PLCB4: variants seen among roughly 807,000 people sequenced by gnomAD.
PLCB4 encodes the protein 1-phosphatidylinositol 4,5-bisphosphate phosphodiesterase beta-4.
In PLCB4, 77 loss-of-function variants were observed where a neutral mutation model predicts 178.8. That is an observed-to-expected ratio of 0.43 (90% CI 0.36 to 0.52). The LOEUF (loss-of-function observed/expected upper bound fraction) is 0.52. Among genes scored for constraint, PLCB4 ranks in the 20% least tolerant of loss-of-function variants. The probability of loss-of-function intolerance (pLI) is 0.00; values close to 1 mark genes in which losing one functional copy is unlikely to be tolerated. For synonymous variants in PLCB4, 496 were observed against 490.8 expected, an observed-to-expected ratio of 1.01 and a Z score of -0.14; for missense variants, 1,024 against 1,453.4, an observed-to-expected ratio of 0.70 and a Z score of 4.80.
chr20:9,226,243 A>T (rs1464419639), intron 3 of PLCB4, among the ~76,000 whole-genome samples: 1 of 152,202 alleles, frequency 6.6e-6, no homozygotes, highest in African/African-American at 2.4e-5. Flanking sequence ...AATAAGCTGT[A>T]AGAAACTGTT....
chr20:9,297,216 T>A lies in PLCB4; in HGVS notation c.-15-10584T>A, dbSNP rs536461442. The stretch of plus-strand genomic sequence containing the variant: ...AAAGGTTGATATATCTTGCATGCTA[T>A]CAAAAAAATTTCTTTCTAGCGGTCA... On this transcript the variant is annotated intron_variant, in intron 3 of 39. Transcript: ENST00000378473. 7.9e-5 allele frequency among the ~76,000 whole-genome samples: 12 copies of A among 152,082 alleles called. 1 individual carries two copies. The East Asian group carries it at 2.3e-3, about 29-fold the overall frequency.
At chr20:9,468,486 A>G (rs981705382) in intron 35 of PLCB4, 85 bp from the exon 36 acceptor site, 5 of 817,542 alleles carry the variant, frequency 6.1e-6, no homozygotes, top group Non-Finnish European at 1.1e-5. Flanking sequence ...GAACTTTCTC[A>G]TTTTCCCCAG....
At chr20:9,274,551 T>A (rs1353624393) in intron 3 of PLCB4, among the ~76,000 whole-genome samples, 1 of 152,110 alleles carries the variant, frequency 6.6e-6, no homozygotes, top group Admixed American at 6.6e-5. Context: ...AACAGCAAAG[T>A]TATTTCCATC....
At chr20:9,316,808 C>T (rs1483000754) in intron 4 of PLCB4, among the ~76,000 whole-genome samples, 1 of 152,148 alleles carries the variant, frequency 6.6e-6, no homozygotes, top group Non-Finnish European at 1.5e-5. Context: ...CAAAGAAAAA[C>T]CCAAAACAAC....
chr20:9,202,235 C>G (rs2093556032), intron 2 of PLCB4, among the ~76,000 whole-genome samples: 1 of 152,096 alleles, frequency 6.6e-6, no homozygotes, highest in Admixed American at 6.5e-5. Context: ...GAGAGACTGA[C>G]TGTCAAAGGG....
At chr20:9,149,302 C>T (rs1273985940) in intron 2 of PLCB4, among the ~76,000 whole-genome samples, 1 of 152,158 alleles carries the variant, frequency 6.6e-6, no homozygotes, top group Admixed American at 6.6e-5. Flanking sequence ...ACGTCACATC[C>T]TTCCATTATC....
intron 3 of PLCB4, among the ~76,000 whole-genome samples, chr20:9,286,382 A>G (rs2094536798): frequency 6.6e-6 from 1 of 152,062 alleles, no homozygotes; most frequent in Non-Finnish European, 1.5e-5. Context: ...TTATGGGTAT[A>G]GTGGAAGAGA....
chr20:9,435,825 G>A (rs916815869), intron 29 of PLCB4, among the ~76,000 whole-genome samples, 177 bp downstream of exon 29: 2 of 152,218 alleles, frequency 1.3e-5, no homozygotes, highest in East Asian at 3.8e-4. Flanking sequence ...TTAATAAAAT[G>A]TGACTGCCAT....
intron 3 of PLCB4, among the ~76,000 whole-genome samples, chr20:9,234,698 GA>G (rs1231076923): frequency 6.6e-6 from 1 of 152,164 alleles, no homozygotes; most frequent in Non-Finnish European, 1.5e-5. Flanking sequence ...GAGGAAAAAG[GA>G]AGGTAAGGAA....
In PLCB4 at chr20:9,421,436, A is replaced by G. The variant is rs769222091; in HGVS notation, c.2294A>G (p.Asn765Ser). The G allele has an allele frequency of 4.3e-6, 7 of 1,613,660 alleles. No individual in the cohort carries two copies. The highest frequency in any genetic ancestry group is 2.7e-5 in the African/African-American group (2 of 75,034). ...VMNNGLNPVY[N>S]EESFVFRKVI... ...AATAATGGACTCAATCCAGTTTACA[A>G]TGAAGAGTCATTTGTATTTCGGAAG... The change falls in exon 27 of 40, where the codon AAT becomes AGT. Residue 765 changes from asparagine to serine, a missense_variant. Physicochemically the swap from Asn to Ser is conservative, Grantham distance 46. This residue lies in a region of PLCB4 where 227 missense variants were observed against 374.3 expected (regional missense o/e 0.61). Transcript: ENST00000378473.
intron 28 of PLCB4, among the ~76,000 whole-genome samples, chr20:9,429,595 C>G (rs2041255744): frequency 1.3e-5 from 2 of 152,170 alleles, no homozygotes; most frequent in Admixed American, 1.3e-4. Flanking sequence ...TACAGTTACA[C>G]AAGTAGGTAA....
chr20:9,075,360 G>T (rs1392922317), intron 1 of PLCB4, among the ~76,000 whole-genome samples: 1 of 152,174 alleles, frequency 6.6e-6, no homozygotes, highest in Non-Finnish European at 1.5e-5. Flanking sequence ...TGTGAATATG[G>T]AATTGGAATA....
At chr20:9,207,041 G>A (rs185592977) in intron 2 of PLCB4, among the ~76,000 whole-genome samples, 18 of 152,184 alleles carry the variant, frequency 1.2e-4, no homozygotes, top group African/African-American at 2.6e-4. Context: ...ACTTGAACCC[G>A]GGAGGCGGAG....
chr20:9,248,686 ATG>A (rs1204675222), intron 3 of PLCB4, among the ~76,000 whole-genome samples: 6 of 152,184 alleles, frequency 3.9e-5, no homozygotes, highest in African/African-American at 1.4e-4. Flanking sequence ...ACTGAGAACT[ATG>A]TATTTATTTC....
At position 9,457,908 on chromosome 20, in the gene PLCB4, G is replaced by T. The variant is rs141456646; in HGVS notation, c.3072+419G>T. On this transcript the variant is annotated intron_variant, in intron 34 of 39. Transcript: ENST00000378473. The stretch of plus-strand genomic sequence containing the variant: ...CTAACTTTACATGGAAATTTGGAAT[G>T]AGAAAAAATTAAGAGCTGATATTCT... 1.8e-4 allele frequency among the ~76,000 whole-genome samples: 28 copies of T among 152,222 alleles called. 1 individual carries two copies. The highest frequency in any genetic ancestry group is 6.8e-3 in the Middle Eastern group (2 of 294).
chr20:9,372,677 C>G (rs1208517682), intron 11 of PLCB4, among the ~76,000 whole-genome samples: 3 of 151,734 alleles, frequency 2.0e-5, no homozygotes, highest in Non-Finnish European at 4.4e-5. Context: ...AGGTATTAAC[C>G]CATTATGTGA....
chr20:9,412,127 G>T (rs2039904109), intron 25 of PLCB4, among the ~76,000 whole-genome samples: 1 of 152,206 alleles, frequency 6.6e-6, no homozygotes, highest in Admixed American at 6.5e-5. Context: ...GTGTGCTTTG[G>T]AAGAAAATAA....
At chr20:9,374,507 C>T (rs1460200193) in intron 12 of PLCB4, among the ~76,000 whole-genome samples, 5 of 152,036 alleles carry the variant, frequency 3.3e-5, no homozygotes, top group Admixed American at 2.6e-4. Flanking sequence ...CACTTTGGTT[C>T]AGTGATCATC....
intron 1 of PLCB4, among the ~76,000 whole-genome samples, chr20:9,085,371 C>T (rs1304426558): frequency 6.6e-6 from 1 of 152,096 alleles, no homozygotes; most frequent in Non-Finnish European, 1.5e-5. Context: ...AGTCATAATT[C>T]ATTCTCAAAT....
Sources: gnomAD v4.1 joint callset for allele counts (sites outside exome capture counted in the v4.1 genomes callset) on GRCh38, gnomAD v4.1.1 for gene constraint, gnomAD v4.1.1 regional missense constraint, MANE v1.5 for transcripts, NCBI Gene and HGNC (gene_info 2026-07-23, HGNC 2026-07-21) for gene names.